The following SLC19A3 variants were observed in gnomAD, a reference collection of about 807,000 sequenced individuals.
SLC19A3 encodes solute carrier family 19 member 3, also known as thiamine transporter 2.
A neutral mutation model predicts 40.2 loss-of-function variants in SLC19A3; 31 were observed. The observed-to-expected ratio is 0.77, with a 90% CI of 0.58 to 1.04. SLC19A3 has a LOEUF of 1.04. Among genes scored for constraint, SLC19A3 ranks in the 50% least tolerant of loss-of-function variants. The pLI is 0.00. For synonymous variants in SLC19A3, 212 were observed against 227.5 expected, an observed-to-expected ratio of 0.93 and a Z score of 0.61; for missense variants, 592 against 596.7, an observed-to-expected ratio of 0.99 and a Z score of 0.08.
chr2:227,716,303 T>C (rs984093903), intron 1 of SLC19A3, among the ~76,000 whole-genome samples: 1 of 152,194 alleles, frequency 6.6e-6, no homozygotes, highest in Non-Finnish European at 1.5e-5. Flanking sequence ...GATCTACGAA[T>C]GTACCCATTC....
chr2:227,715,352 GTTGT>G (rs1244987286), intron 1 of SLC19A3, among the ~76,000 whole-genome samples: 18 of 152,054 alleles, frequency 1.2e-4, no homozygotes, highest in Admixed American at 9.8e-4. Flanking sequence ...GAATAGTTCT[GTTGT>G]TTGTTTTTGT....
intron 4 of SLC19A3, among the ~76,000 whole-genome samples, chr2:227,689,146 TCTAAG>T (rs1465718920): frequency 6.6e-6 from 1 of 151,684 alleles, no homozygotes; most frequent in African/African-American, 2.4e-5. Flanking sequence ...AAAAGGAAAA[TCTAAG>T]TTATTGGCCT....
chr2:227,702,069 T>C, intron 2 of SLC19A3, 100 bp downstream of exon 2: 3 of 936,396 alleles, frequency 3.2e-6, no homozygotes, highest in South Asian at 2.8e-5. Flanking sequence ...CTGAGTTTAA[T>C]GTGTTCATCT....
At chr2:227,716,907 A>G (rs1176383099) in intron 1 of SLC19A3, among the ~76,000 whole-genome samples, 3 of 151,286 alleles carry the variant, frequency 2.0e-5, no homozygotes, top group African/African-American at 7.3e-5. Flanking sequence ...GGTCTATTTA[A>G]TATATGTGCC....
At chr2:227,714,601 G>T (rs1270083462) in intron 1 of SLC19A3, 1 of 983,648 alleles carries the variant, frequency 1.0e-6, no homozygotes, top group Non-Finnish European at 1.2e-6. Context: ...AGACAGAGCT[G>T]CCAAGAGCAA....
At position 227,705,903 on chromosome 2, in the gene SLC19A3, C is replaced by T. The variant is rs572712994; in HGVS notation, c.-2-3583G>A. 2.0e-4 allele frequency among the ~76,000 whole-genome samples: 30 copies of T among 152,116 alleles called. No homozygotes were observed. The South Asian group carries it at 3.3e-3, about 17-fold the overall frequency. On this transcript the variant is annotated intron_variant, in intron 1 of 5. Transcript: ENST00000644224. ...AAAAAACAAACAAACAAAGATTTAG[C>T]GTGGTGTGGTGAAGCATGCCTGTAA...
At chr2:227,712,050 C>CAACAAAAAAAAAA in intron 1 of SLC19A3, among the ~76,000 whole-genome samples, 1 of 65,464 alleles carries the variant, frequency 1.5e-5, no homozygotes, top group Non-Finnish European at 2.6e-5. Flanking sequence ...ACTCTGTCTC[C>CAACAAAAAAAAAA]AAAAAAAAAA....
chr2:227,692,466 T>C (rs958353124), intron 4 of SLC19A3, among the ~76,000 whole-genome samples: 8 of 152,236 alleles, frequency 5.3e-5, no homozygotes, highest in Admixed American at 2.6e-4. Context: ...GATCATTCAA[T>C]TGATGCTAAA....
Position 227,688,148 on chromosome 2 carries a change from A to G in SLC19A3, c.1314+18T>C. On this transcript the variant is annotated intron_variant, in intron 5 of 5. Coordinates refer to ENST00000644224, the MANE Select transcript of SLC19A3 (RefSeq NM_025243.4). ...TTTTTGAGGTTACCTAGTTGAAAAC[A>G]GAAGTATTGCAGCTTACCTGAATGC... The G allele has an allele frequency of 6.2e-7, 1 of 1,613,966 alleles. No homozygotes were observed. Among genetic ancestry groups the G allele is most frequent in the South Asian group, 1.1e-5 (1 of 91,084 alleles).
At chr2:227,709,398 T>A (rs569029044) in intron 1 of SLC19A3, among the ~76,000 whole-genome samples, 1 of 152,080 alleles carries the variant, frequency 6.6e-6, no homozygotes, top group African/African-American at 2.4e-5. Context: ...GGCACGAGAA[T>A]CACTTGTACC....
At chr2:227,691,072 C>T (rs1309773669) in intron 4 of SLC19A3, among the ~76,000 whole-genome samples, 3 of 152,016 alleles carry the variant, frequency 2.0e-5, no homozygotes, top group East Asian at 1.9e-4. Flanking sequence ...TATCAAACAT[C>T]GTCTCTGACC....
In SLC19A3 at chr2:227,703,008, T is replaced by C. The variant is rs915455758; in HGVS notation, c.-2-688A>G. The C allele has an allele frequency of 1.3e-5, 2 of 152,522 alleles. No homozygotes were observed. The highest frequency in any genetic ancestry group is 4.8e-5 in the African/African-American group (2 of 41,452). 9.4% of individuals were successfully genotyped at this position (152,522 alleles called of 1,614,324 possible). On this transcript the variant is annotated intron_variant, in intron 1 of 5. Transcript: ENST00000644224. The surrounding 1 kb of genome is among the most constrained non-coding windows in gnomAD (Gnocchi z 4.7). ...CATTCCCAGAGGAGCATATGGAAGA[T>C]CCAAGATGCCCAAACACTGGCTTCA...
chr2:227,710,795 A>G lies in SLC19A3; in HGVS notation c.-3+7148T>C, dbSNP rs944651176. Among the ~76,000 whole-genome samples the G allele has an allele frequency of 2.0e-5, 3 of 152,194 alleles. 1 individual carries two copies. The South Asian group carries it at 6.2e-4, about 31-fold the overall frequency. ...TTAGCTTAAAGACCAAATACATTTT[A>G]TGTTATATCAGTTACAGTTTCCAAA... On this transcript the variant is annotated intron_variant, in intron 1 of 5. Transcript: ENST00000644224.
chr2:227,717,950 A>C lies in SLC19A3; in HGVS notation c.-10T>G, dbSNP rs559679031. 2.1e-4 allele frequency: 211 copies of C among 985,286 alleles called. 1 individual carries two copies. In the African/African-American group the frequency reaches 3.4e-3, roughly 16 times the overall value. 61.0% of individuals were successfully genotyped at this position (985,286 alleles called of 1,614,324 possible). On this transcript the variant is annotated 5_prime_UTR_variant, in exon 1 of 6. Transcript: ENST00000644224. ...CCCCCGAGATATTCTTACCTACAGAAGGGAGTGTCTGTTCACCAAATCGCT... is the reference window on the plus strand; with the variant it reads ...CCCCCGAGATATTCTTACCTACAGACGGGAGTGTCTGTTCACCAAATCGCT...
At chr2:227,688,413 G>T in intron 4 of SLC19A3, 106 bp from the exon 5 acceptor site, 2 of 954,710 alleles carry the variant, frequency 2.1e-6, no homozygotes, top group Admixed American at 1.9e-5. Context: ...CCCACCTCCA[G>T]CTCCAGGTAG....
Position 227,699,568 on chromosome 2 carries a change from C to T in SLC19A3, c.151-4G>A. 1 of 1,613,644 alleles carries T rather than the reference C, an allele frequency of 6.2e-7. No individual in the cohort carries two copies. The highest frequency in any genetic ancestry group is 8.5e-7 in the Non-Finnish European group (1 of 1,179,702). ...CGGGGAAGATCTCATTTGTTATCTG[C>T]AAAGTTGGTAAATTGCATGACCACG... is the stretch of plus-strand genomic sequence containing the variant. On this transcript the variant is annotated splice_region_variant and splice_polypyrimidine_tract_variant and intron_variant, in intron 2 of 5. Transcript: ENST00000644224.
chr2:227,691,184 G>A (rs1013543548), intron 4 of SLC19A3, among the ~76,000 whole-genome samples: 2 of 152,152 alleles, frequency 1.3e-5, no homozygotes, highest in African/African-American at 2.4e-5. Flanking sequence ...GTGGGTCAAT[G>A]AAGAAATTGA....
At chr2:227,716,195 C>G (rs1278792396) in intron 1 of SLC19A3, among the ~76,000 whole-genome samples, 2 of 152,120 alleles carry the variant, frequency 1.3e-5, no homozygotes, top group Admixed American at 6.6e-5. Context: ...TATAGACATG[C>G]AAATAAGGTT....
rs1695809985 is a variant in SLC19A3, at chr2:227,703,754, TTGC to T, written c.-2-1437_-2-1435del. ...CTTGGTCATCTTCTGAAGAGTGGTCTTGCTGGGGTAGCATCTGCTGGCTCTATA... is the reference window on the plus strand; with the variant it reads ...CTTGGTCATCTTCTGAAGAGTGGTCTTGGGGTAGCATCTGCTGGCTCTATA... On this transcript the variant is annotated intron_variant, in intron 1 of 5. Transcript: ENST00000644224. The surrounding 1 kb of genome is among the most constrained non-coding windows in gnomAD (Gnocchi z 4.7). Among the ~76,000 whole-genome samples, 1 of 152,174 alleles carries T rather than the reference TTGC, an allele frequency of 6.6e-6. No individual in the cohort carries two copies. The highest frequency in any genetic ancestry group is 1.5e-5 in the Non-Finnish European group (1 of 68,036).
Sources: allele counts gnomAD v4.1 joint callset (sites outside exome capture counted in the v4.1 genomes callset), GRCh38; gene constraint gnomAD v4.1.1; non-coding constraint Gnocchi (gnomAD v3.1); transcripts MANE v1.5; gene names NCBI Gene and HGNC (gene_info 2026-07-23, HGNC 2026-07-21).